Variants in DNAH12 observed in about 807,000 individuals in gnomAD.
DNAH12 encodes axonemal beta dynein heavy chain 12.
A neutral mutation model predicts 371.5 loss-of-function variants in DNAH12; 285 were observed. That is an observed-to-expected ratio of 0.77 (90% CI 0.70 to 0.85). DNAH12 has a LOEUF of 0.85. Among genes scored for constraint, DNAH12 ranks in the 40% least tolerant of loss-of-function variants. The probability of loss-of-function intolerance (pLI) is 0.00; values close to 1 mark genes in which losing one functional copy is unlikely to be tolerated. For missense variants in DNAH12, 3,611 were observed against 3,689.4 expected (o/e 0.98, Z 0.55); for synonymous variants, 1,200 against 1,213.0 (o/e 0.99, Z 0.22).
At chr3:57,354,538 TAAAAAAAAAAAG>T (rs1553662018) in intron 59 of DNAH12, among the ~76,000 whole-genome samples, 69 of 52,912 alleles carry the variant, frequency 1.3e-3, no homozygotes, top group Admixed American at 2.8e-3. Flanking sequence ...TCTTGTTTGC[TAAAAAAAAAAAG>T]AAAAAAAAAA....
rs1054897461 is a variant in DNAH12 at position 57,476,528 on chromosome 3, C to A, written c.1651-3857G>T. Among the ~76,000 whole-genome samples, 9 of 152,022 alleles carry A rather than the reference C, an allele frequency of 5.9e-5. No homozygotes were observed. In the South Asian group the frequency reaches 1.9e-3, roughly 32 times the overall value. ...GCAGTGAGCCAAAACCTCACCACTG[C>A]ACTCCAGCCTGGGTGACAGAGCGAG... On this transcript the variant is annotated intron_variant, in intron 13 of 73. Coordinates refer to ENST00000495027, the MANE Select transcript of DNAH12 (RefSeq NM_001366028.2).
chr3:57,435,794 A>G (rs781504248), intron 30 of DNAH12, among the ~76,000 whole-genome samples: 18 of 152,178 alleles, frequency 1.2e-4, no homozygotes, highest in Admixed American at 4.6e-4. Flanking sequence ...ACATCTCAAA[A>G]ATACATAATA....
intron 60 of DNAH12, among the ~76,000 whole-genome samples, chr3:57,342,210 G>T (rs951960826): frequency 2.0e-5 from 3 of 151,990 alleles, no homozygotes; most frequent in South Asian, 2.1e-4. Flanking sequence ...TCCTGGAAAA[G>T]ATTTTATGAA....
chr3:57,472,215 A>G (rs1451537551), intron 14 of DNAH12, among the ~76,000 whole-genome samples: 1 of 150,286 alleles, frequency 6.7e-6, no homozygotes, highest in East Asian at 1.9e-4. Flanking sequence ...TTTCTCATCT[A>G]TAAAATGGAA....
At chr3:57,367,086 G>T (rs1937730293) in intron 56 of DNAH12, among the ~76,000 whole-genome samples, 165 bp from the exon 57 acceptor site, 1 of 152,134 alleles carries the variant, frequency 6.6e-6, no homozygotes, top group Admixed American at 6.6e-5. Flanking sequence ...CCAACACTTT[G>T]GGAGGCCAAG....
At chr3:57,461,112 T>C (rs990331219) in intron 19 of DNAH12, among the ~76,000 whole-genome samples, 7 of 152,174 alleles carry the variant, frequency 4.6e-5, no homozygotes, top group African/African-American at 1.7e-4. Flanking sequence ...ATCCTTATGC[T>C]AGCTGTTTAC....
chr3:57,332,044 A>T (rs958060445), intron 62 of DNAH12, among the ~76,000 whole-genome samples: 2 of 151,892 alleles, frequency 1.3e-5, no homozygotes, highest in Admixed American at 1.3e-4. Flanking sequence ...TAAATCCCCA[A>T]CTGTCTCTGC....
intron 58 of DNAH12, among the ~76,000 whole-genome samples, chr3:57,361,070 C>A (rs1351899857): frequency 6.6e-6 from 1 of 151,914 alleles, no homozygotes; most frequent in Non-Finnish European, 1.5e-5. Context: ...TCATTCAGGG[C>A]CGGGCACGGT....
intron 9 of DNAH12, among the ~76,000 whole-genome samples, chr3:57,503,256 C>G (rs532810862): frequency 1.3e-5 from 2 of 151,782 alleles, no homozygotes; most frequent in African/African-American, 4.8e-5. Context: ...ACAGTGAGAC[C>G]CTGTCTCAAA....
In DNAH12 at chr3:57,363,624, C is replaced by G. The variant is rs1224645388; in HGVS notation, c.9330G>C (p.Met3110Ile). Residue 3110 changes from methionine (M) to isoleucine (I), a missense_variant, in exon 58 of 74, where the codon ATG (methionine) becomes ATC (isoleucine). Physicochemically the swap from Met to Ile is conservative, Grantham distance 10. Transcript: ENST00000495027. The part of the protein sequence containing the change: ...SAIKVLDSAK[M>I]MSNEITKKQQ... The stretch of plus-strand genomic sequence containing the variant: ...GTTTCTTTGTTATTTCATTGGACAT[C>G]ATTTTGGCAGAGTCTAAGACTTTAA... 2 of 152,054 alleles carry G rather than the reference C, an allele frequency of 1.3e-5. No homozygotes were observed. The highest frequency in any genetic ancestry group is 2.9e-5 in the Non-Finnish European group (2 of 67,972). 9.4% of individuals were successfully genotyped at this position (152,054 alleles called of 1,614,324 possible).
At chr3:57,347,248 C>T (rs1553658360) in intron 60 of DNAH12, among the ~76,000 whole-genome samples, 1 of 152,030 alleles carries the variant, frequency 6.6e-6, no homozygotes, top group African/African-American at 2.4e-5. Context: ...ATATTAGCAA[C>T]AAAATACAGC....
At chr3:57,369,153 G>A (rs1471836475) in intron 55 of DNAH12, among the ~76,000 whole-genome samples, 1 of 149,720 alleles carries the variant, frequency 6.7e-6, no homozygotes, top group Non-Finnish European at 1.5e-5. Flanking sequence ...CCGGGAGGTA[G>A]AGATTGCAGT....
chr3:57,310,774 A>G lies in DNAH12; in HGVS notation c.10839T>C (p.Ser3613=). 2 of 1,551,662 alleles carry G rather than the reference A, an allele frequency of 1.3e-6. No homozygotes were observed. The highest frequency in any genetic ancestry group is 1.7e-6 in the Non-Finnish European group (2 of 1,146,968). Residue 3613 remains serine, a synonymous_variant, in exon 67 of 74, where the codon AGT becomes AGC. Transcript: ENST00000495027. ...CTTTAGGAGGTGCAAAATAGTTTCC[A>G]CTGGGAGAAAACTTATAATGAGGGT... The part of the protein sequence containing the change: ...VENPHYKFSP[S]GNYFAPPKGT...
intron 66 of DNAH12, among the ~76,000 whole-genome samples, chr3:57,311,902 C>G (rs934962599): frequency 6.6e-6 from 1 of 152,164 alleles, no homozygotes; most frequent in African/African-American, 2.4e-5. Context: ...TAAAAACTAT[C>G]ATTTGCATAG....
intron 60 of DNAH12, among the ~76,000 whole-genome samples, chr3:57,338,881 G>A (rs1559567442): frequency 6.6e-6 from 1 of 152,252 alleles, no homozygotes; most frequent in Non-Finnish European, 1.5e-5. Flanking sequence ...GCTCCGAAGA[G>A]ACAACGACCA....
intron 4 of DNAH12, among the ~76,000 whole-genome samples, chr3:57,520,841 A>C (rs2068401967): frequency 6.6e-6 from 1 of 152,042 alleles, no homozygotes; most frequent in Non-Finnish European, 1.5e-5. Flanking sequence ...CCAATTCGTG[A>C]ATATTTTCTC....
intron 1 of DNAH12, among the ~76,000 whole-genome samples, chr3:57,543,862 C>A (rs1418502295): frequency 1.3e-5 from 2 of 151,744 alleles, no homozygotes; most frequent in African/African-American, 4.8e-5. Context: ...GCCTGGCCAA[C>A]ATGGTGAAAC....
chr3:57,354,505 A>G (rs2062751701), intron 59 of DNAH12, among the ~76,000 whole-genome samples: 1 of 151,472 alleles, frequency 6.6e-6, no homozygotes, highest in Admixed American at 6.6e-5. Flanking sequence ...AGTTTAAAAA[A>G]AGAGTCCTCA....
At chr3:57,499,481 C>A (rs1176929222) in intron 11 of DNAH12, among the ~76,000 whole-genome samples, 1 of 149,632 alleles carries the variant, frequency 6.7e-6, no homozygotes, top group African/African-American at 2.5e-5. Flanking sequence ...AGGTGGTATG[C>A]TTTGTAAAAT....
Sources: allele counts gnomAD v4.1 joint callset (sites outside exome capture counted in the v4.1 genomes callset), GRCh38; gene constraint gnomAD v4.1.1; transcripts MANE v1.5; gene names NCBI Gene and HGNC (gene_info 2026-07-23, HGNC 2026-07-21).